The following MYBBP1A variants were observed in gnomAD, a reference collection of about 807,000 sequenced individuals.
MYBBP1A encodes the protein MYB binding protein 1a.
In MYBBP1A, 147 loss-of-function variants were observed where a neutral mutation model predicts 136.3. That is an observed-to-expected ratio of 1.08 (90% CI 0.94 to 1.24). The LOEUF is 1.24. Among genes scored for constraint, MYBBP1A ranks in the 50% most tolerant of loss-of-function variants. MYBBP1A has a pLI of 0.00. For synonymous variants in MYBBP1A, 947 were observed against 735.8 expected (o/e 1.29, Z -4.65); for missense variants, 2,060 against 1,727.4 (o/e 1.19, Z -3.41).
Position 4,544,633 on chromosome 17 carries a change from A to G in MYBBP1A, c.2495T>C (p.Val832Ala). The change falls in exon 19 of 26, where the codon GTG becomes GCG. Residue 832 changes from valine (V) to alanine (A), a missense_variant. Val to Ala is a moderately conservative substitution (Grantham distance 64). Transcript: ENST00000254718. ...RDFQIRVLDL[V>A]EVLVTKQPEN... ...GGGCTGCTTGGTCACTAGCACCTCC[A>G]CCAGGTCCAGCACCTGCAGCCAGGA... 6.3e-7 allele frequency: 1 copy of G among 1,578,500 alleles called. No individual in the cohort carries two copies. The highest frequency in any genetic ancestry group is 8.6e-7 in the Non-Finnish European group (1 of 1,162,736).
Position 4,544,838 on chromosome 17 carries a change from G to C in MYBBP1A, c.2394C>G (p.Ala798=), listed in dbSNP as rs147248283. 6.2e-6 allele frequency: 10 copies of C among 1,607,714 alleles called. No individual in the cohort carries two copies. The highest frequency in any genetic ancestry group is 1.1e-5 in the South Asian group (1 of 89,700). ...GGGCCTGGATACGCAGCTTCTGCTCGGCAAAGAGGCTGGCGAGGCTCTGGT... is the reference window on the plus strand; with the variant it reads ...GGGCCTGGATACGCAGCTTCTGCTCCGCAAAGAGGCTGGCGAGGCTCTGGT... ...ALDQSLASLF[A]EQKLRIQARR... The change falls in exon 18 of 26, where the codon GCC becomes GCG. Residue 798 remains alanine (A), a synonymous_variant. Transcript: ENST00000254718.
At position 4,548,914 on chromosome 17, in the gene MYBBP1A, A is replaced by ACC. The variant is rs2144483540; in HGVS notation, c.1431-267_1431-266dup. 6.6e-6 allele frequency among the ~76,000 whole-genome samples: 1 copy of ACC among 152,320 alleles called. No individual in the cohort carries two copies. The highest frequency in any genetic ancestry group is 2.1e-4 in the South Asian group (1 of 4,828). On this transcript the variant is annotated intron_variant, in intron 10 of 25. Transcript: ENST00000254718. The surrounding 1 kb of genome is among the most constrained non-coding windows in gnomAD (Gnocchi z 4.2). ...AGAGAGTCAGTGCCCCTCTCAAGGA[A>ACC]CCAACAGATGGGAGGCTGTGTGGTC...
At position 4,543,908 on chromosome 17, in the gene MYBBP1A, C is replaced by T. The variant is rs150212403; in HGVS notation, c.2639+581G>A. Among the ~76,000 whole-genome samples the T allele has an allele frequency of 3.0e-3, 459 of 152,150 alleles. 2 individuals are homozygous for T. Among genetic ancestry groups the T allele is most frequent in the Non-Finnish European group, 5.3e-3 (358 of 67,984 alleles). Reference sequence around the variant, plus strand: ...ACCCTTCCCCACGCCACTGCTCTTGCTGATAATGCCTCTGTGGCCTCCAGC... The same window carrying T: ...ACCCTTCCCCACGCCACTGCTCTTGTTGATAATGCCTCTGTGGCCTCCAGC... On this transcript the variant is annotated intron_variant, in intron 19 of 25. Transcript: ENST00000254718.
At position 4,538,971 on chromosome 17, in the gene MYBBP1A, A is replaced by G; in HGVS notation, c.*444T>C. ...TTTAGAGCTGCTGATTGTGAATCTC[A>G]GAGTCTTAAGAGAGAAGCCAAATAT... On this transcript the variant is annotated 3_prime_UTR_variant, in exon 26 of 26. Coordinates refer to ENST00000254718, the MANE Select transcript of MYBBP1A (RefSeq NM_014520.4). The G allele has an allele frequency of 1.3e-6, 1 of 790,134 alleles. No homozygotes were observed. Among genetic ancestry groups the G allele is most frequent in the Non-Finnish European group, 2.3e-6 (1 of 426,452 alleles). 48.9% of individuals were successfully genotyped at this position (790,134 alleles called of 1,614,324 possible).
chr17:4,549,228 C>A, intron 10 of MYBBP1A, 104 bp downstream of exon 10: 1 of 983,506 alleles, frequency 1.0e-6, no homozygotes, highest in Non-Finnish European at 1.5e-6. Context: ...GATGACTCAA[C>A]CCAAAGGCTT....
rs747847889 is a variant in MYBBP1A at position 4,543,047 on chromosome 17, C to T, written c.2758G>A (p.Ala920Thr). The change falls in exon 20 of 26, where the codon GCC (alanine) becomes ACC (threonine). Residue 920 changes from alanine (A) to threonine (T), a missense_variant. Transcript: ENST00000254718. ...QAGRQPDSPTALYHFNASLYL... is the reference protein window; with the variant it reads ...QAGRQPDSPTTLYHFNASLYL... ...AGAGAGGCGTTGAAGTGGTAGAGGG[C>T]GGTGGGGGAGTCGGGCTGGCGGCCA... 52 of 1,613,392 alleles carry T rather than the reference C, an allele frequency of 3.2e-5. No homozygotes were observed. The highest frequency in any genetic ancestry group is 8.9e-5 in the East Asian group (4 of 44,890).
Position 4,544,546 on chromosome 17 carries a change from C to T in MYBBP1A, c.2582G>A (p.Arg861His), listed in dbSNP as rs746633134. Reference protein sequence around the residue: ...PLLSIIRRSLRSSSSKQEQDL... With the variant: ...PLLSIIRRSLHSSSSKQEQDL... ...CTGCTCCTGTTTGGAGCTGCTGCTG[C>T]GCAGGCTGCGCCGGATGATGCTCAG... The change falls in exon 19 of 26, where the codon CGC (arginine) becomes CAC (histidine). Residue 861 changes from arginine to histidine, a missense_variant. By Grantham distance (29) the Arg-to-His change is conservative. Coordinates refer to ENST00000254718, the MANE Select transcript of MYBBP1A (RefSeq NM_014520.4). The T allele has an allele frequency of 9.1e-5, 142 of 1,559,036 alleles. No homozygotes were observed. The highest frequency in any genetic ancestry group is 9.9e-5 in the Non-Finnish European group (114 of 1,152,002).
At chr17:4,540,049 T>C (rs2144410966) in intron 25 of MYBBP1A, 82 bp from the exon 26 acceptor site, 1 of 1,481,392 alleles carries the variant, frequency 6.8e-7, no homozygotes, top group Non-Finnish European at 9.1e-7. Flanking sequence ...CCACCTGGAT[T>C]CTGAGGGTCC....
chr17:4,547,863 T>C, intron 13 of MYBBP1A, 95 bp downstream of exon 13: 1 of 1,128,820 alleles, frequency 8.9e-7, no homozygotes, highest in Non-Finnish European at 1.2e-6. Context: ...GAACCTTTCC[T>C]GGAAACCCGC....
Position 4,553,934 on chromosome 17 carries a change from G to C in MYBBP1A, c.454-17C>G, listed in dbSNP as rs1284538877. ...CTCCTGGTCCTGGTCCCCACAGAGG[G>C]ACAGAGGGTATGAGCAGGGCACACG... On this transcript the variant is annotated splice_polypyrimidine_tract_variant and intron_variant, in intron 4 of 25. Transcript: ENST00000254718. 2 of 1,613,938 alleles carry C rather than the reference G, an allele frequency of 1.2e-6. No homozygotes were observed. The highest frequency in any genetic ancestry group is 1.1e-5 in the South Asian group (1 of 91,064).
At chr17:4,553,295 G>A (rs533029981) in intron 5 of MYBBP1A, among the ~76,000 whole-genome samples, 30 of 152,300 alleles carry the variant, frequency 2.0e-4, no homozygotes, top group Non-Finnish European at 3.2e-4. Context: ...CTTTCTCTTC[G>A]GTGACAAAAG....
intron 15 of MYBBP1A, 40 bp from the exon 16 acceptor site, chr17:4,545,385 C>T (rs1162015824): frequency 8.7e-6 from 14 of 1,607,054 alleles, no homozygotes; most frequent in Middle Eastern, 1.7e-4. Flanking sequence ...TTGCAGCCCC[C>T]GCCCTCCTCT....
chr17:4,548,262 G>A lies in MYBBP1A; in HGVS notation c.1605C>T (p.Thr535=). The part of the protein sequence containing the change: ...STQFKQAPGQ[T]QGGQPWTYHL... ...GGTAGGTCCAGGGCTGCCCACCCTG[G>A]GTCTGGCCCGGTGCCTGCTTGAACT... Residue 535 remains threonine (T), a synonymous_variant, in exon 12 of 26, where the codon ACC becomes ACT. Coordinates refer to ENST00000254718, the MANE Select transcript of MYBBP1A (RefSeq NM_014520.4). The surrounding 1 kb of genome is among the most constrained non-coding windows in gnomAD (Gnocchi z 4.2). The A allele has an allele frequency of 1.2e-6, 2 of 1,612,376 alleles. No homozygotes were observed. Among genetic ancestry groups the A allele is most frequent in the Middle Eastern group, 1.6e-4 (1 of 6,062 alleles).
Position 4,552,723 on chromosome 17 carries a change from T to C in MYBBP1A, c.562-97A>G. 1 of 1,182,776 alleles carries C rather than the reference T, an allele frequency of 8.5e-7. No homozygotes were observed. Among genetic ancestry groups the C allele is most frequent in the Non-Finnish European group, 1.2e-6 (1 of 849,648 alleles). 73.3% of individuals were successfully genotyped at this position (1,182,776 alleles called of 1,614,324 possible). On this transcript the variant is annotated intron_variant, in intron 5 of 25. Coordinates refer to ENST00000254718, the MANE Select transcript of MYBBP1A (RefSeq NM_014520.4). The surrounding 1 kb of genome is among the most constrained non-coding windows in gnomAD (Gnocchi z 4.7). ...CCTGACACGGGGCCACCTGGTGAGG[T>C]ATCAGAGTCATCAGAGGCCAGTTGC...
Position 4,539,350 on chromosome 17 carries a change from A to T in MYBBP1A, c.*65T>A, listed in dbSNP as rs1906118248. On this transcript the variant is annotated 3_prime_UTR_variant, in exon 26 of 26. Transcript: ENST00000254718. ...GCGTATTAAAATCATGGTTTAAAAA[A>T]AAAAAAAAAAAATAGGCGTCTCAGG... is the stretch of plus-strand genomic sequence containing the variant. The T allele has an allele frequency of 2.1e-5, 32 of 1,497,440 alleles. No individual in the cohort carries two copies. Among genetic ancestry groups the T allele is most frequent in the Non-Finnish European group, 2.7e-5 (30 of 1,130,302 alleles). The allele number at this position is 1,497,440 out of a possible 1,614,324, so 92.8% of individuals were successfully genotyped here.
intron 15 of MYBBP1A, 116 bp from the exon 16 acceptor site, chr17:4,545,461 CGGCCA>C (rs998692415): frequency 1.1e-5 from 16 of 1,506,774 alleles, no homozygotes; most frequent in Middle Eastern, 1.8e-4. Flanking sequence ...CTAGGAGAGG[CGGCCA>C]GGCCAGGCCA....
chr17:4,541,285 C>A (rs1270924367), intron 24 of MYBBP1A, among the ~76,000 whole-genome samples, 178 bp downstream of exon 24: 1 of 152,270 alleles, frequency 6.6e-6, no homozygotes, highest in Non-Finnish European at 1.5e-5. Flanking sequence ...GTCACTCACC[C>A]ATCCATGGTT....
rs774800790 is a variant in MYBBP1A at position 4,545,292 on chromosome 17, G to A, written c.2127C>T (p.Asp709=). The change falls in exon 16 of 26, where the codon GAC becomes GAT. Residue 709 remains aspartate (D), a synonymous_variant. Transcript: ENST00000254718. The part of the protein sequence containing the change: ...EDENDRVVVT[D]DSDERRLKGA... ...CCTTCAGCCGCCGCTCATCAGAATC[G>A]TCCGTCACCACCACACGGTCATTCT... 509 of 1,612,182 alleles carry A rather than the reference G, an allele frequency of 3.2e-4. 1 individual carries two copies. The highest frequency in any genetic ancestry group is 5.7e-5 in the Non-Finnish European group (67 of 1,179,816).
Position 4,551,883 on chromosome 17 carries a change from A to G in MYBBP1A, c.1020T>C (p.Ala340=). 2.5e-6 allele frequency: 4 copies of G among 1,612,662 alleles called. No homozygotes were observed. Among genetic ancestry groups the G allele is most frequent in the East Asian group, 2.2e-5 (1 of 44,864 alleles). Residue 340 remains alanine, a synonymous_variant, in exon 8 of 26, where the codon GCT becomes GCC. Coordinates refer to ENST00000254718, the MANE Select transcript of MYBBP1A (RefSeq NM_014520.4). ...GAGCTGCACGGGCATTACCCACCTT[A>G]GCAGTGCACACGTGCTCCCCGTAAT... The part of the protein sequence containing the change: ...IRHYGEHVCT[A]KLPKQFKFAP...
Sources: gnomAD v4.1 joint callset for allele counts (sites outside exome capture counted in the v4.1 genomes callset) on GRCh38, gnomAD v4.1.1 for gene constraint, Gnocchi (gnomAD v3.1) non-coding constraint, MANE v1.5 for transcripts, NCBI Gene and HGNC (gene_info 2026-07-23, HGNC 2026-07-21) for gene names.